TPRG1: variants seen among roughly 807,000 people sequenced by gnomAD.
TPRG1 encodes the protein tumor protein p63 regulated 1, also known as tumor protein p63-regulated gene 1 protein.
Under a neutral mutation model 29.3 loss-of-function variants are expected in TPRG1, and 29 were observed. The ratio of observed to expected loss-of-function variants is 0.99; its 90% CI spans 0.74 to 1.35. The LOEUF is 1.35. TPRG1 is among the 40% of genes most tolerant of loss of function. TPRG1 has a pLI of 0.00. For synonymous variants in TPRG1, 130 were observed against 116.8 expected (o/e 1.11, Z -0.73); for missense variants, 327 against 335.0 (o/e 0.98, Z 0.19).
At chr3:189,315,991 G>GCACCAA (rs1345048187) in intron 5 of TPRG1, among the ~76,000 whole-genome samples, 6 of 152,136 alleles carry the variant, frequency 3.9e-5, no homozygotes, top group African/African-American at 4.8e-5. Context: ...CACCAAAGAA[G>GCACCAA]GTGGGAAAAG....
At chr3:189,187,921 C>T (rs2108728754) in intron 1 of TPRG1, among the ~76,000 whole-genome samples, 1 of 152,238 alleles carries the variant, frequency 6.6e-6, no homozygotes, top group South Asian at 2.1e-4. Flanking sequence ...AGTGAATAAT[C>T]TTGATATATC....
chr3:189,109,474 G>A (rs1720244014), intron 1 of TPRG1, among the ~76,000 whole-genome samples: 1 of 152,156 alleles, frequency 6.6e-6, no homozygotes, highest in Admixed American at 6.5e-5. Context: ...CCTTGCTACT[G>A]CACAGTTAAT....
At chr3:189,286,070 G>T (rs965850888) in intron 4 of TPRG1, among the ~76,000 whole-genome samples, 2 of 152,026 alleles carry the variant, frequency 1.3e-5, no homozygotes, top group Admixed American at 1.3e-4. Flanking sequence ...CACTCTGCTA[G>T]AAACATGCTG....
Position 189,013,640 on chromosome 3 carries a change from T to C in TPRG1, c.-660+8880T>C, listed in dbSNP as rs146130450. ...AGGGTGTTAAAGTATCCCACTATTATTGTGTGGGATTTGAGGTCTCTTTGA... is the reference window on the plus strand; with the variant it reads ...AGGGTGTTAAAGTATCCCACTATTACTGTGTGGGATTTGAGGTCTCTTTGA... On this transcript the variant is annotated intron_variant, in intron 3 of 10. Transcript: ENST00000433971. Among the ~76,000 whole-genome samples the C allele has an allele frequency of 2.7e-3, 410 of 152,256 alleles. 3 individuals carry two copies. Among genetic ancestry groups the C allele is most frequent in the African/African-American group, 8.9e-3 (370 of 41,534 alleles).
chr3:189,069,017 A>C (rs953603808), intron 4 of TPRG1, among the ~76,000 whole-genome samples: 1 of 152,232 alleles, frequency 6.6e-6, no homozygotes, highest in African/African-American at 2.4e-5. Context: ...ATTCAGAGAA[A>C]TGAAGACCTA....
intron 1 of TPRG1, among the ~76,000 whole-genome samples, chr3:189,183,558 C>A (rs1730523413): frequency 6.6e-6 from 1 of 151,980 alleles, no homozygotes; most frequent in Non-Finnish European, 1.5e-5. Flanking sequence ...CAGTTTTGAT[C>A]ATAGAAGACG....
chr3:189,134,686 G>T (rs1297686402), intron 3 of TPRG1, among the ~76,000 whole-genome samples: 1 of 151,940 alleles, frequency 6.6e-6, no homozygotes, highest in Non-Finnish European at 1.5e-5. Context: ...CAAACTGCTG[G>T]AATTATAGGC....
intron 4 of TPRG1, among the ~76,000 whole-genome samples, chr3:189,028,344 C>T (rs570477394): frequency 3.3e-5 from 5 of 152,264 alleles, no homozygotes; most frequent in East Asian, 3.9e-4. Flanking sequence ...GTGGAGAGAA[C>T]GAATGAAAGG....
chr3:189,198,718 G>T (rs1732968876), intron 1 of TPRG1, among the ~76,000 whole-genome samples: 1 of 152,172 alleles, frequency 6.6e-6, no homozygotes. Flanking sequence ...CACAGTTCCT[G>T]CTCTGGAATT....
chr3:189,145,553 C>G (rs1346966803), intron 3 of TPRG1, among the ~76,000 whole-genome samples: 1 of 152,058 alleles, frequency 6.6e-6, no homozygotes, highest in African/African-American at 2.4e-5. Flanking sequence ...AGTTCAGTTC[C>G]ATCACCTATA....
At chr3:189,246,271 T>G (rs1030459827) in intron 4 of TPRG1, among the ~76,000 whole-genome samples, 6 of 152,196 alleles carry the variant, frequency 3.9e-5, no homozygotes, top group African/African-American at 1.4e-4. Flanking sequence ...TTATAAGGCC[T>G]CCCCAGCCAC....
chr3:189,211,297 G>T (rs1183334747), intron 2 of TPRG1, among the ~76,000 whole-genome samples: 2 of 152,272 alleles, frequency 1.3e-5, no homozygotes, highest in East Asian at 1.9e-4. Context: ...AGAAAAGAAA[G>T]TTACTCATTG....
intron 4 of TPRG1, among the ~76,000 whole-genome samples, chr3:189,255,125 C>G (rs1711596787): frequency 1.3e-5 from 2 of 152,152 alleles, no homozygotes; most frequent in Admixed American, 1.3e-4. Flanking sequence ...ATGCTTCCAG[C>G]TTTTGCCCAT....
upstream of TPRG1, among the ~76,000 whole-genome samples, chr3:189,169,979 G>A (rs1215943561): frequency 6.6e-6 from 1 of 152,222 alleles, no homozygotes; most frequent in East Asian, 1.9e-4. Context: ...TGGGAGGAGT[G>A]TTCAGTGGCC....
chr3:189,092,236 C>T (rs1718383733), intron 4 of TPRG1, among the ~76,000 whole-genome samples: 1 of 152,114 alleles, frequency 6.6e-6, no homozygotes, highest in Admixed American at 6.6e-5. Context: ...ATACAAACCA[C>T]CTGTGGGATC....
intron 3 of TPRG1, among the ~76,000 whole-genome samples, chr3:189,134,403 CTTTTTTTT>C (rs56318082): frequency 3.3e-5 from 4 of 121,190 alleles, no homozygotes; most frequent in African/African-American, 9.8e-5. Context: ...TGGGGGTATC[CTTTTTTTT>C]TTTTTTTTTT....
At chr3:189,289,404 GT>G (rs112538700) in intron 4 of TPRG1, among the ~76,000 whole-genome samples, 251 of 141,886 alleles carry the variant, frequency 1.8e-3, no homozygotes, top group African/African-American at 3.9e-3. Flanking sequence ...TACTTTGGGT[GT>G]TTTTTTTTTT....
intron 4 of TPRG1, among the ~76,000 whole-genome samples, chr3:189,246,634 T>C (rs2108982643): frequency 6.6e-6 from 1 of 152,314 alleles, no homozygotes; most frequent in Admixed American, 6.5e-5. Flanking sequence ...ATTTTTCCTA[T>C]ACATGAAAAA....
Position 189,207,445 on chromosome 3 carries a change from G to A in TPRG1, c.61G>A (p.Asp21Asn), listed in dbSNP as rs576935432. The A allele has an allele frequency of 2.5e-5, 40 of 1,613,866 alleles. No individual in the cohort carries two copies. The highest frequency in any genetic ancestry group is 3.2e-5 in the Non-Finnish European group (38 of 1,179,950). Reference sequence around the variant, plus strand: ...TGTGTCTCTGAAGCAAGAGGGAGATGACCAACCCTCTGAGACTGACCACCT... The same window carrying A: ...TGTGTCTCTGAAGCAAGAGGGAGATAACCAACCCTCTGAGACTGACCACCT... Reference protein sequence around the residue: ...QAVSLKQEGDDQPSETDHLSM... With the variant: ...QAVSLKQEGDNQPSETDHLSM... Residue 21 changes from aspartate to asparagine, a missense_variant, in exon 2 of 6, where the codon GAC (aspartate) becomes AAC (asparagine). Transcript: ENST00000345063.
Sources: allele counts gnomAD v4.1 joint callset (sites outside exome capture counted in the v4.1 genomes callset), GRCh38; gene constraint gnomAD v4.1.1; transcripts MANE v1.5; gene names NCBI Gene and HGNC (gene_info 2026-07-23, HGNC 2026-07-21).